Variants in DRC3 observed in about 807,000 individuals in gnomAD.
The protein encoded by DRC3 is dynein regulatory complex subunit 3.
DRC3 carries 45 observed loss-of-function variants against 57.6 expected under a neutral mutation model. The ratio of observed to expected loss-of-function variants is 0.78; its 90% CI spans 0.62 to 1.00. The LOEUF is 1.00. Ranked by LOEUF, DRC3 falls within the 50% of genes least tolerant of loss-of-function variation. The pLI is 0.00. For missense variants in DRC3, 655 were observed against 675.2 expected (o/e 0.97, Z 0.33); for synonymous variants, 257 against 272.3 (o/e 0.94, Z 0.55).
intron 12 of DRC3, among the ~76,000 whole-genome samples, chr17:18,009,710 C>G (rs77437388): frequency 6.6e-6 from 1 of 152,142 alleles, no homozygotes; most frequent in African/African-American, 2.4e-5. Flanking sequence ...AGAGGAGGGA[C>G]TAGGGCTGTG....
At chr17:17,992,969 G>C (rs1435937854) in intron 6 of DRC3, 58 bp downstream of exon 6, 15 of 1,597,338 alleles carry the variant, frequency 9.4e-6, no homozygotes, top group Non-Finnish European at 1.3e-5. Context: ...AAGCCCCCAG[G>C]TTTCTTGGAA....
intron 10 of DRC3, 75 bp from the exon 11 acceptor site, chr17:18,006,108 A>C (rs2043939799): frequency 9.0e-7 from 1 of 1,110,874 alleles, no homozygotes; most frequent in South Asian, 1.3e-5. Context: ...CTGGTTGCTA[A>C]ATTTTGAGGA....
intron 4 of DRC3, 54 bp from the exon 5 acceptor site, chr17:17,987,878 C>T: frequency 2.5e-6 from 4 of 1,577,868 alleles, no homozygotes; most frequent in South Asian, 2.3e-5. Flanking sequence ...TATTTCAGGA[C>T]AGCCCATCCC....
rs1343678658 is a variant in DRC3, at chr17:17,977,579, T to C, written c.-17-3T>C. On this transcript the variant is annotated splice_region_variant and splice_polypyrimidine_tract_variant and intron_variant, in intron 2 of 13. Coordinates refer to ENST00000399187, the MANE Select transcript of DRC3 (RefSeq NM_031294.4). ...CGTGAAGGAAGAATGCGGTGTTTTTTAGGGAAAACGTGGGGGAAGATGAAC... is the reference window on the plus strand; with the variant it reads ...CGTGAAGGAAGAATGCGGTGTTTTTCAGGGAAAACGTGGGGGAAGATGAAC... 3.1e-6 allele frequency: 5 copies of C among 1,613,776 alleles called. No homozygotes were observed. The highest frequency in any genetic ancestry group is 2.7e-5 in the African/African-American group (2 of 74,978).
intron 12 of DRC3, 43 bp downstream of exon 12, chr17:18,007,190 G>C: frequency 6.9e-5 from 2 of 29,058 alleles, no homozygotes; most frequent in Non-Finnish European, 1.1e-4. Flanking sequence ...ATGTGGTCCA[G>C]CCCAGCTCTG....
At chr17:17,986,192 G>T (rs568182956) in intron 4 of DRC3, among the ~76,000 whole-genome samples, 1 of 152,194 alleles carries the variant, frequency 6.6e-6, no homozygotes, top group Non-Finnish European at 1.5e-5. Context: ...GATTATAGGC[G>T]TGAGCCACTG....
intron 6 of DRC3, 96 bp downstream of exon 6, chr17:17,993,007 GC>G: frequency 7.4e-7 from 1 of 1,350,486 alleles, no homozygotes; most frequent in Non-Finnish European, 1.0e-6. Flanking sequence ...AGCTTCCCCT[GC>G]CCACAACTAG....
chr17:17,995,526 T>C (rs1171304864), intron 8 of DRC3: 1 of 180,654 alleles, frequency 5.5e-6, no homozygotes, highest in Non-Finnish European at 1.2e-5. Context: ...GAAACATAGC[T>C]TGGCTGTCCA....
At chr17:17,981,830 G>A (rs2042705433) in intron 3 of DRC3, among the ~76,000 whole-genome samples, 1 of 152,012 alleles carries the variant, frequency 6.6e-6, no homozygotes, top group African/African-American at 2.4e-5. Context: ...CTGAGTAGCT[G>A]GGACTACAGG....
At chr17:18,012,240 C>T (rs2044195070) in intron 12 of DRC3, among the ~76,000 whole-genome samples, 1 of 152,134 alleles carries the variant, frequency 6.6e-6, no homozygotes, top group Non-Finnish European at 1.5e-5. Flanking sequence ...GACAAAAGCG[C>T]CAAGAACACT....
intron 11 of DRC3, chr17:18,006,456 T>A: frequency 1.7e-6 from 1 of 595,142 alleles, no homozygotes; most frequent in Non-Finnish European, 3.0e-6. Flanking sequence ...AGCATGATTG[T>A]TCTCATATGA....
chr17:17,993,990 C>T (rs1421498652), intron 6 of DRC3: 13 of 330,842 alleles, frequency 3.9e-5, no homozygotes, highest in Admixed American at 3.0e-4. Context: ...CAGTCTGGGG[C>T]GAGGGGAGCG....
intron 2 of DRC3, 162 bp from the exon 3 acceptor site, chr17:17,977,420 G>A (rs1016303779): frequency 9.8e-5 from 77 of 782,024 alleles, no homozygotes; most frequent in Admixed American, 2.7e-4. Context: ...CAGCCTTGGC[G>A]TAAGTATACA....
chr17:17,976,957 A>AG (rs1860190728), intron 2 of DRC3, among the ~76,000 whole-genome samples: 1 of 151,932 alleles, frequency 6.6e-6, no homozygotes, highest in African/African-American at 2.4e-5. Flanking sequence ...CACACTCCCT[A>AG]TTCCTCCCCA....
At chr17:18,013,308 A>C (rs2044232594) in intron 12 of DRC3, among the ~76,000 whole-genome samples, 1 of 152,220 alleles carries the variant, frequency 6.6e-6, no homozygotes, top group African/African-American at 2.4e-5. Flanking sequence ...GCATTTGTCT[A>C]AAGGAAAGGA....
chr17:17,999,062 A>C (rs1318180449), intron 9 of DRC3, among the ~76,000 whole-genome samples: 1 of 152,136 alleles, frequency 6.6e-6, no homozygotes, highest in African/African-American at 2.4e-5. Context: ...CCCTGTAGCC[A>C]CTGGGCTTGG....
intron 12 of DRC3, among the ~76,000 whole-genome samples, chr17:18,010,473 CT>C (rs1568543890): frequency 1.3e-5 from 2 of 152,128 alleles, no homozygotes; most frequent in African/African-American, 2.4e-5. Flanking sequence ...AAAAAAAATC[CT>C]ACAATTTAGA....
Position 17,987,969 on chromosome 17 carries a change from G to A in DRC3, c.315G>A (p.Leu105=). 3.7e-6 allele frequency: 6 copies of A among 1,613,948 alleles called. No homozygotes were observed. Among genetic ancestry groups the A allele is most frequent in the African/African-American group, 1.3e-5 (1 of 75,010 alleles). ...ACAACATTGAGACCATCGAGGGGCT[G>A]GACACACTGGTGAACCTGGAGGACC... ...SFNNIETIEG[L]DTLVNLEDLS... is the part of the protein sequence containing the mutation. The change falls in exon 5 of 14, where the codon CTG becomes CTA. Residue 105 remains leucine, a synonymous_variant. Transcript: ENST00000399187.
rs1408158892 is a variant in DRC3, at chr17:17,992,901, A to T, written c.581A>T (p.Asp194Val). The T allele has an allele frequency of 1.2e-6, 2 of 1,613,896 alleles. No individual in the cohort carries two copies. The highest frequency in any genetic ancestry group is 2.2e-5 in the South Asian group (2 of 91,074). Reference sequence around the variant, plus strand: ...ATGTACCTGGACTACCGGCGCATTGATGACCACACAGCAAGTGTCTCCCTC... The same window carrying T: ...ATGTACCTGGACTACCGGCGCATTGTTGACCACACAGCAAGTGTCTCCCTC... Reference protein sequence around the residue: ...DLMYLDYRRIDDHTKKLAEAK... With the variant: ...DLMYLDYRRIVDHTKKLAEAK... The change falls in exon 6 of 14, where the codon GAT becomes GTT. Residue 194 changes from aspartate to valine, a missense_variant. Physicochemically the swap from Asp to Val is radical, Grantham distance 152. Transcript: ENST00000399187.
Sources: gnomAD v4.1 joint callset for allele counts (sites outside exome capture counted in the v4.1 genomes callset) on GRCh38, gnomAD v4.1.1 for gene constraint, MANE v1.5 for transcripts, NCBI Gene and HGNC (gene_info 2026-07-23, HGNC 2026-07-21) for gene names.